RIF1: variants seen among roughly 807,000 people sequenced by gnomAD.
RIF1 encodes telomere-associated protein RIF1.
In RIF1, 45 loss-of-function variants were observed where a neutral mutation model predicts 247.1. That is an observed-to-expected ratio of 0.18 (90% CI 0.14 to 0.23). The LOEUF is 0.23. Among genes scored for constraint, RIF1 ranks in the 10% least tolerant of loss-of-function variants. The probability of loss-of-function intolerance (pLI) is 1.00; values close to 1 mark genes in which losing one functional copy is unlikely to be tolerated. For synonymous variants in RIF1, 1,087 were observed against 978.8 expected (o/e 1.11, Z -2.06); for missense variants, 2,967 against 2,862.5 (o/e 1.04, Z -0.83).
rs747564662 is a variant in RIF1 at position 151,436,806 on chromosome 2, CTT to C, written c.1196-9_1196-8del. On this transcript the variant is annotated intron_variant, in intron 11 of 35. Coordinates refer to ENST00000444746, the MANE Select transcript of RIF1 (RefSeq NM_018151.5). ...TAAAATGAGCTTGTATGACTTAACTCTTTTTTTTTTTTTCTTAAAGGTGCTTC... is the reference window on the plus strand; with the variant it reads ...TAAAATGAGCTTGTATGACTTAACTCTTTTTTTTTTTCTTAAAGGTGCTTC... 1.2e-3 allele frequency: 1,502 copies of C among 1,206,358 alleles called. No individual in the cohort carries two copies. The highest frequency in any genetic ancestry group is 3.6e-3 in the South Asian group (224 of 62,418). 74.7% of individuals were successfully genotyped at this position (1,206,358 alleles called of 1,614,324 possible).
intron 12 of RIF1, among the ~76,000 whole-genome samples, chr2:151,503,846 A>G (rs560424395): frequency 1.5e-4 from 23 of 152,282 alleles, no homozygotes; most frequent in African/African-American, 5.3e-4. Context: ...CTATTCCTTC[A>G]GGCTTATTGA....
In RIF1 at chr2:151,457,910, C is replaced by T. The variant is rs1695469664; in HGVS notation, c.2802C>T (p.Phe934=). Reference sequence around the variant, plus strand: ...AGATTCGAAAACAGAGTGCTCAGTTCTGGAATGCCACTTTTGCCAAAGTGA... The same window carrying T: ...AGATTCGAAAACAGAGTGCTCAGTTTTGGAATGCCACTTTTGCCAAAGTGA... ...NKQIRKQSAQ[F]WNATFAKVMM... is the part of the protein sequence containing the mutation. The change falls in exon 24 of 36, where the codon TTC becomes TTT. Residue 934 remains phenylalanine (F), a synonymous_variant. Transcript: ENST00000444746. 6.2e-7 allele frequency: 1 copy of T among 1,613,720 alleles called. No homozygotes were observed. Among genetic ancestry groups the T allele is most frequent in the Non-Finnish European group, 8.5e-7 (1 of 1,179,894 alleles).
intron 12 of RIF1, chr2:151,503,198 G>T: frequency 1.6e-6 from 1 of 624,550 alleles, no homozygotes; most frequent in Non-Finnish European, 2.8e-6. Flanking sequence ...GAGTCATTTT[G>T]TATTAACATA....
chr2:151,496,460 A>G lies in RIF1; in HGVS notation c.*513+1134A>G, dbSNP rs953960458. 5 of 1,480,942 alleles carry G rather than the reference A, an allele frequency of 3.4e-6. No homozygotes were observed. The African/African-American group carries it at 5.7e-5, about 17-fold the overall frequency. The allele number at this position is 1,480,942 out of a possible 1,614,324, so 91.7% of individuals were successfully genotyped here. ...GGGTAAGGTCAACTTCCTTGTTAAG[A>G]AAACACAGTCGTCCAAGGAGCCAGA... On this transcript the variant is annotated intron_variant and NMD_transcript_variant, in intron 10 of 13. Transcript: ENST00000454583.
chr2:151,520,738 C>G, the RIF1 span, among the ~76,000 whole-genome samples: 1 of 151,816 alleles, frequency 6.6e-6, no homozygotes, highest in South Asian at 2.1e-4. Context: ...GTGGTGCACC[C>G]CTGTAGTCTC....
At chr2:151,517,124 T>A in the RIF1 span, among the ~76,000 whole-genome samples, 1 of 152,152 alleles carries the variant, frequency 6.6e-6, no homozygotes, top group Admixed American at 6.5e-5. Flanking sequence ...GAAAACTAGT[T>A]TACATATTGA....
intron 11 of RIF1, among the ~76,000 whole-genome samples, chr2:151,436,372 C>A (rs1691208701): frequency 6.6e-6 from 1 of 151,932 alleles, no homozygotes; most frequent in South Asian, 2.1e-4. Context: ...GACCCTGTCT[C>A]TACAAAAAAT....
At position 151,463,510 on chromosome 2, in the gene RIF1, T is replaced by C. The variant is rs761377789; in HGVS notation, c.3990T>C (p.Gly1330=). 1 of 1,614,076 alleles carries C rather than the reference T, an allele frequency of 6.2e-7. No individual in the cohort carries two copies. Among genetic ancestry groups the C allele is most frequent in the East Asian group, 2.2e-5 (1 of 44,868 alleles). ...TAGTCTTAGAAAATAACCCACCTGG[T>C]TTGCTTAATCAAACAGAATGTGTGT... ...GIVVLENNPP[G]LLNQTECVSD... The change falls in exon 30 of 36, where the codon GGT becomes GGC. Residue 1330 remains glycine, a synonymous_variant. Transcript: ENST00000444746.
Position 151,468,748 on chromosome 2 carries a change from A to G in RIF1, c.6933A>G (p.Ser2311=). ...ACATCATTTTACCTCAGATTACATC[A>G]AACATGTGGTAAGTGGTTATTTAGG... ...PVDIILPQIT[S]NMWARGLGQL... is the part of the protein sequence containing the mutation. The change falls in exon 33 of 36, where the codon TCA becomes TCG. Residue 2311 remains serine (S), a synonymous_variant. Transcript: ENST00000444746. 3 of 1,608,204 alleles carry G rather than the reference A, an allele frequency of 1.9e-6. No homozygotes were observed. The highest frequency in any genetic ancestry group is 2.6e-6 in the Non-Finnish European group (3 of 1,174,596).
At chr2:151,453,176 A>G (rs1015866163) in intron 21 of RIF1, among the ~76,000 whole-genome samples, 2 of 151,922 alleles carry the variant, frequency 1.3e-5, no homozygotes, top group African/African-American at 4.8e-5. Context: ...CCCTCCCCCC[A>G]GAATATACAT....
chr2:151,434,167 C>CA (rs1230432491), intron 10 of RIF1, among the ~76,000 whole-genome samples: 34,722 of 110,182 alleles, frequency 0.32, 4,891 homozygotes, highest in Admixed American at 0.43. Context: ...GACTCCATCT[C>CA]AAAAAAAAAA....
downstream of RIF1, among the ~76,000 whole-genome samples, chr2:151,485,059 C>A (rs1016572751): frequency 2.0e-5 from 3 of 150,998 alleles, no homozygotes. Context: ...TGCTTCTTCT[C>A]CCTTTGCCTT....
intron 20 of RIF1, among the ~76,000 whole-genome samples, 160 bp downstream of exon 20, chr2:151,446,735 CTT>C (rs1196154320): frequency 6.6e-6 from 1 of 151,964 alleles, no homozygotes; most frequent in Non-Finnish European, 1.5e-5. Context: ...AGTTTTGTGT[CTT>C]TGGGCTCTAA....
chr2:151,508,947 G>A (rs1268407546), downstream of RIF1, among the ~76,000 whole-genome samples: 1 of 152,078 alleles, frequency 6.6e-6, no homozygotes, highest in African/African-American at 2.4e-5. Context: ...TTTCATCATC[G>A]CTTGTCACTG....
At chr2:151,528,567 C>T in the RIF1 span, among the ~76,000 whole-genome samples, 2 of 152,146 alleles carry the variant, frequency 1.3e-5, no homozygotes, top group Admixed American at 1.3e-4. Context: ...TTTGCCAGCT[C>T]CTACAGGGAT....
At chr2:151,493,727 G>T in intron 9 of RIF1, 1 of 1,345,768 alleles carries the variant, frequency 7.4e-7, no homozygotes, top group Non-Finnish European at 1.0e-6. Context: ...AACCATGTTT[G>T]CCAGGGCTGT....
chr2:151,524,323 C>T, the RIF1 span: 1 of 1,613,862 alleles, frequency 6.2e-7, no homozygotes, highest in Non-Finnish European at 8.5e-7. Context: ...GGCTGCTCAG[C>T]TTGGCTGCCT....
At chr2:151,526,253 T>C in the RIF1 span, 1 of 1,610,486 alleles carries the variant, frequency 6.2e-7, no homozygotes, top group South Asian at 1.1e-5. Context: ...TGTTTCTCTT[T>C]GTATTTCAGC....
chr2:151,515,415 G>A, the RIF1 span, among the ~76,000 whole-genome samples: 1 of 152,152 alleles, frequency 6.6e-6, no homozygotes, highest in African/African-American at 2.4e-5. Context: ...GTCTTGCTAT[G>A]ATGCCCAGGC....
Sources: gnomAD v4.1 joint callset for allele counts (sites outside exome capture counted in the v4.1 genomes callset) on GRCh38, gnomAD v4.1.1 for gene constraint, MANE v1.5 for transcripts, NCBI Gene and HGNC (gene_info 2026-07-23, HGNC 2026-07-21) for gene names.